The following STK32A variants were observed in gnomAD, a reference collection of about 807,000 sequenced individuals.
STK32A encodes serine/threonine kinase 32A.
In STK32A, 41 loss-of-function variants were observed where a neutral mutation model predicts 53.2. The observed-to-expected ratio is 0.77, with a 90% CI of 0.60 to 1.00. The LOEUF is 1.00. STK32A is among the 50% of genes least tolerant of loss of function. The pLI, the probability that STK32A is intolerant of heterozygous loss-of-function variation, is 0.00. For missense variants in STK32A, 458 were observed against 485.8 expected (o/e 0.94, Z 0.54); for synonymous variants, 166 against 162.8 (o/e 1.02, Z -0.15).
At chr5:147,399,141 C>T in the STK32A span, 2 of 1,614,182 alleles carry the variant, frequency 1.2e-6, no homozygotes, top group Non-Finnish European at 1.7e-6. Context: ...ATGACGAGGT[C>T]GCTGTCAGAA....
At chr5:147,268,300 CT>C (rs911433479) in intron 2 of STK32A, among the ~76,000 whole-genome samples, 10 of 152,268 alleles carry the variant, frequency 6.6e-5, no homozygotes, top group African/African-American at 2.2e-4. Flanking sequence ...CATCAAGTCC[CT>C]TGCAACATTC....
chr5:147,314,447 G>C (rs1386222431), intron 4 of STK32A, among the ~76,000 whole-genome samples: 1 of 148,832 alleles, frequency 6.7e-6, no homozygotes, highest in Admixed American at 6.7e-5. Context: ...GCAGGGCGTG[G>C]AGATTGTGCC....
At chr5:147,326,162 T>C (rs1754576970) in intron 5 of STK32A, among the ~76,000 whole-genome samples, 1 of 152,214 alleles carries the variant, frequency 6.6e-6, no homozygotes, top group Non-Finnish European at 1.5e-5. Context: ...CACCCAATAC[T>C]GTTTTTCTGT....
chr5:147,326,943 T>C (rs1200290604), intron 5 of STK32A, among the ~76,000 whole-genome samples: 2 of 152,178 alleles, frequency 1.3e-5, no homozygotes, highest in Non-Finnish European at 2.9e-5. Context: ...GGCCTTGAAC[T>C]CCTGGGCTCA....
At chr5:147,400,698 C>T in the STK32A span, 1 of 1,614,080 alleles carries the variant, frequency 6.2e-7, no homozygotes. Flanking sequence ...TTACCACAGC[C>T]TTGTCCCAGA....
intron 10 of STK32A, 86 bp downstream of exon 10, chr5:147,373,380 A>G (rs1757091541): frequency 1.9e-6 from 3 of 1,541,034 alleles, no homozygotes; most frequent in Admixed American, 3.8e-5. Flanking sequence ...TCATTAGATA[A>G]TCACACCAGT....
chr5:147,362,599 C>T (rs1756559022), intron 8 of STK32A, among the ~76,000 whole-genome samples: 1 of 152,184 alleles, frequency 6.6e-6, no homozygotes, highest in Non-Finnish European at 1.5e-5. Context: ...CTTGACCCCT[C>T]CAATATTCAT....
At position 147,329,216 on chromosome 5, in the gene STK32A, T is replaced by A. The variant is rs113548226; in HGVS notation, c.434+5145T>A. Among the ~76,000 whole-genome samples, 1,479 of 152,316 alleles carry A rather than the reference T, an allele frequency of 9.7e-3. 18 individuals carry two copies. The highest frequency in any genetic ancestry group is 0.051 in the Middle Eastern group (15 of 294). ...ACCTTTGCCTTCTTTGCTGTTCTCA[T>A]TGGAACCAATAACTGATTCCAGATT... On this transcript the variant is annotated intron_variant, in intron 5 of 12. Transcript: ENST00000397936.
intron 4 of STK32A, among the ~76,000 whole-genome samples, chr5:147,313,272 A>T (rs1350711275): frequency 6.6e-6 from 1 of 152,114 alleles, no homozygotes; most frequent in Non-Finnish European, 1.5e-5. Context: ...ACAAACAAAG[A>T]TAGATGCATA....
intron 10 of STK32A, among the ~76,000 whole-genome samples, chr5:147,374,254 T>C (rs1256455760): frequency 1.3e-5 from 2 of 150,992 alleles, no homozygotes; most frequent in East Asian, 2.0e-4. Flanking sequence ...GCCACTGCAC[T>C]CTAGCCTGGG....
In STK32A at chr5:147,291,600, A is replaced by T. The variant is rs530778220; in HGVS notation, c.260+12202A>T. Among the ~76,000 whole-genome samples the T allele has an allele frequency of 3.9e-5, 6 of 152,320 alleles. No homozygotes were observed. The East Asian group carries it at 7.7e-4, about 20-fold the overall frequency. Reference sequence around the variant, plus strand: ...CCTGAATGAAAAAAATATCTATTCCATTGGAAAGTCAACTAAAAACATCAT... The same window carrying T: ...CCTGAATGAAAAAAATATCTATTCCTTTGGAAAGTCAACTAAAAACATCAT... On this transcript the variant is annotated intron_variant, in intron 4 of 12. Transcript: ENST00000397936.
chr5:147,255,348 G>C (rs1490316577), intron 2 of STK32A, among the ~76,000 whole-genome samples: 1 of 152,144 alleles, frequency 6.6e-6, no homozygotes, highest in Non-Finnish European at 1.5e-5. Flanking sequence ...GGTTAGTTAA[G>C]GGAGGTTTCA....
intron 4 of STK32A, among the ~76,000 whole-genome samples, chr5:147,283,154 T>C (rs1445086169): frequency 2.0e-5 from 3 of 152,148 alleles, no homozygotes; most frequent in Non-Finnish European, 4.4e-5. Flanking sequence ...TTCAAAACCA[T>C]GCAAATACAT....
chr5:147,368,876 C>G (rs529758589), intron 8 of STK32A, among the ~76,000 whole-genome samples: 1 of 151,696 alleles, frequency 6.6e-6, no homozygotes, highest in East Asian at 1.9e-4. Context: ...TTCTAGGTGG[C>G]CCAGAAACAG....
chr5:147,400,918 G>T, the STK32A span: 3 of 1,512,162 alleles, frequency 2.0e-6, no homozygotes, highest in Non-Finnish European at 8.9e-7. Context: ...TACTGTGAGG[G>T]TTTGCACTCT....
the STK32A span, among the ~76,000 whole-genome samples, chr5:147,399,761 C>G: frequency 1.3e-5 from 2 of 152,158 alleles, no homozygotes; most frequent in African/African-American, 4.8e-5. Context: ...CTTTACTGAG[C>G]ATGTGTCATG....
chr5:147,349,568 C>A (rs1755857615), intron 6 of STK32A, among the ~76,000 whole-genome samples: 1 of 152,128 alleles, frequency 6.6e-6, no homozygotes, highest in Non-Finnish European at 1.5e-5. Flanking sequence ...TGCAGGGACC[C>A]TAGAGCACCT....
chr5:147,327,343 G>C (rs1252431467), intron 5 of STK32A, among the ~76,000 whole-genome samples: 1 of 152,114 alleles, frequency 6.6e-6, no homozygotes, highest in Non-Finnish European at 1.5e-5. Context: ...ACACCTTTTA[G>C]TTACTTAGAA....
chr5:147,349,877 C>T (rs903512608), intron 6 of STK32A, among the ~76,000 whole-genome samples: 21 of 151,988 alleles, frequency 1.4e-4, no homozygotes, highest in African/African-American at 4.3e-4. Flanking sequence ...TTTCAGAGGC[C>T]GAGGCAAGCA....
Sources: allele counts gnomAD v4.1 joint callset (sites outside exome capture counted in the v4.1 genomes callset), GRCh38; gene constraint gnomAD v4.1.1; transcripts MANE v1.5; gene names NCBI Gene and HGNC (gene_info 2026-07-23, HGNC 2026-07-21).